CNR2: variants seen among roughly 807,000 people sequenced by gnomAD.
CNR2 encodes cannabinoid receptor 2.
For missense variants in CNR2, 379 were observed against 439.9 expected (o/e 0.86, Z 1.24); for synonymous variants, 172 against 182.2 (o/e 0.94, Z 0.45).
rs1390644212 is a variant in CNR2 at position 23,874,736 on chromosome 1, G to A, written c.882C>T (p.Val294=). The A allele has an allele frequency of 6.2e-7, 1 of 1,614,190 alleles. No homozygotes were observed. Among genetic ancestry groups the A allele is most frequent in the Non-Finnish European group, 8.5e-7 (1 of 1,180,032 alleles). The change falls in exon 2 of 2, where the codon GTC becomes GTT. Residue 294 remains valine, a synonymous_variant. Coordinates refer to ENST00000374472, the MANE Select transcript of CNR2 (RefSeq NM_001841.3). ...TCCGTAGAGCATAGATGACAGGGTTGACCATGGAGTTGATGAGGCACAGCA... is the reference window on the plus strand; with the variant it reads ...TCCGTAGAGCATAGATGACAGGGTTAACCATGGAGTTGATGAGGCACAGCA... ...CSMLCLINSM[V]NPVIYALRSG...
intron 1 of CNR2, chr1:23,901,853 C>A: frequency 6.2e-7 from 1 of 1,609,430 alleles, no homozygotes; most frequent in Non-Finnish European, 8.5e-7. Flanking sequence ...AAACTGGATG[C>A]TGTCGCAGCG....
At position 23,875,575 on chromosome 1, in the gene CNR2, C is replaced by A. The variant is rs142134658; in HGVS notation, c.43G>T (p.Asp15Tyr). The stretch of plus-strand genomic sequence containing the variant: ...TTCATAGGGTTGGAATCCAAGCCAT[C>A]CTTGGAGCCATTGGCTATCTCTGTC... Reference protein sequence around the residue: ...WVTEIANGSKDGLDSNPMKDY... With the variant: ...WVTEIANGSKYGLDSNPMKDY... Residue 15 changes from aspartate to tyrosine, a missense_variant, in exon 2 of 2, where the codon GAT becomes TAT. Physicochemically the swap from Asp to Tyr is radical, Grantham distance 160. Transcript: ENST00000374472. 5.1e-5 allele frequency: 83 copies of A among 1,612,034 alleles called. No homozygotes were observed. Among genetic ancestry groups the A allele is most frequent in the Middle Eastern group, 1.7e-4 (1 of 6,056 alleles).
intron 1 of CNR2, among the ~76,000 whole-genome samples, chr1:23,890,003 G>A (rs956046329): frequency 2.0e-4 from 30 of 152,016 alleles, no homozygotes; most frequent in African/African-American, 7.0e-4. Flanking sequence ...AGGCATGGGG[G>A]CTCTGCCTGT....
At chr1:23,909,908 C>T (rs192650050) in intron 1 of CNR2, among the ~76,000 whole-genome samples, 1 of 151,970 alleles carries the variant, frequency 6.6e-6, no homozygotes, top group East Asian at 1.9e-4. Context: ...TTGACCTGGA[C>T]TTGAGTCTCA....
Position 23,907,634 on chromosome 1 carries a change from G to A in CNR2, c.-46+5612C>T, listed in dbSNP as rs543114271. 3 of 152,026 alleles carry A rather than the reference G, an allele frequency of 2.0e-5. No homozygotes were observed. The Middle Eastern group carries it at 0.01, about 517-fold the overall frequency. The allele number at this position is 152,026 out of a possible 1,614,324, so 9.4% of individuals were successfully genotyped here. A position where few individuals can be genotyped will look rare whatever the true frequency, so the allele number is the denominator to read the frequency against. ...GACTCCCAAGTAGCTGGGATTACAG[G>A]CGTGTGCCACCACACCTGGCTAATT... On this transcript the variant is annotated intron_variant, in intron 1 of 1. Transcript: ENST00000374472.
intron 1 of CNR2, among the ~76,000 whole-genome samples, chr1:23,891,554 G>C (rs1640192189): frequency 6.7e-6 from 1 of 150,288 alleles, no homozygotes; most frequent in Non-Finnish European, 1.5e-5. Context: ...GGGAGGCAGA[G>C]GTTGCAGTGA....
At chr1:23,901,456 G>A in intron 1 of CNR2, 1 of 1,533,142 alleles carries the variant, frequency 6.5e-7, no homozygotes, top group Admixed American at 2.0e-5. Flanking sequence ...ACCTGCTGCA[G>A]CCTCCCCGGG....
chr1:23,875,677 G>A lies in CNR2; in HGVS notation c.-45-15C>T. On this transcript the variant is annotated splice_polypyrimidine_tract_variant and intron_variant, in intron 1 of 1. Transcript: ENST00000374472. ...AGAAGGCTTTGCTGCAGTACAATGA[G>A]AAGAAGAAAATAATCTTTTTCAGTA... The A allele has an allele frequency of 2.6e-6, 4 of 1,514,626 alleles. No homozygotes were observed. The highest frequency in any genetic ancestry group is 1.8e-6 in the Non-Finnish European group (2 of 1,131,792). The allele number at this position is 1,514,626 out of a possible 1,614,324, so 93.8% of individuals were successfully genotyped here. A position where few individuals can be genotyped will look rare whatever the true frequency, so the allele number is the denominator to read the frequency against.
intron 1 of CNR2, among the ~76,000 whole-genome samples, chr1:23,908,482 A>G (rs1381927800): frequency 6.6e-6 from 1 of 152,154 alleles, no homozygotes; most frequent in Admixed American, 6.6e-5. Context: ...TAACTATTAC[A>G]ATAATTATTC....
At chr1:23,901,518 T>C in intron 1 of CNR2, 5 of 1,599,898 alleles carry the variant, frequency 3.1e-6, no homozygotes, top group Admixed American at 3.4e-5. Flanking sequence ...TGGACCCCAG[T>C]CCCGTTGGTG....
At chr1:23,897,125 T>C in intron 1 of CNR2, among the ~76,000 whole-genome samples, 1 of 152,148 alleles carries the variant, frequency 6.6e-6, no homozygotes, top group East Asian at 1.9e-4. Context: ...TCCACCCGCC[T>C]CAGCCTCCCA....
chr1:23,905,859 A>G (rs1034843206), intron 1 of CNR2, among the ~76,000 whole-genome samples: 1 of 152,184 alleles, frequency 6.6e-6, no homozygotes, highest in Admixed American at 6.6e-5. Flanking sequence ...TGGGACCATA[A>G]CAAAGAACAC....
chr1:23,883,318 G>A (rs984702977), intron 1 of CNR2, among the ~76,000 whole-genome samples: 3 of 152,204 alleles, frequency 2.0e-5, no homozygotes, highest in African/African-American at 7.2e-5. Flanking sequence ...TGAAGTTGAC[G>A]ATACATCAAT....
chr1:23,904,398 A>G (rs561175629), intron 1 of CNR2, among the ~76,000 whole-genome samples: 1 of 151,416 alleles, frequency 6.6e-6, no homozygotes, highest in South Asian at 2.1e-4. Context: ...CTGGTCTCGA[A>G]CTCCTGACCT....
chr1:23,902,435 G>A lies in CNR2; in HGVS notation c.-46+10811C>T, dbSNP rs1019283580. On this transcript the variant is annotated intron_variant, in intron 1 of 1. Coordinates refer to ENST00000374472, the MANE Select transcript of CNR2 (RefSeq NM_001841.3). ...CGCAGGCTTTTGCCAATGCTGGGAC[G>A]ATGTACTTCTTAGCAGCCTACAGAG... 15 of 1,589,808 alleles carry A rather than the reference G, an allele frequency of 9.4e-6. No individual in the cohort carries two copies. The African/African-American group carries it at 1.5e-4, about 16-fold the overall frequency.
intron 1 of CNR2, chr1:23,902,872 G>T: frequency 8.6e-7 from 1 of 1,166,014 alleles, no homozygotes; most frequent in South Asian, 4.2e-5. Flanking sequence ...TGTGGGCTAG[G>T]ACCGCGGCCG....
intron 1 of CNR2, among the ~76,000 whole-genome samples, chr1:23,900,413 G>C (rs1470421599): frequency 6.6e-6 from 1 of 151,970 alleles, no homozygotes; most frequent in Non-Finnish European, 1.5e-5. Flanking sequence ...GCTCTGTCTA[G>C]GCGGCAGGCA....
At chr1:23,892,040 C>T (rs4285653) in intron 1 of CNR2, among the ~76,000 whole-genome samples, 124,131 of 152,034 alleles carry the variant, frequency 0.82, 50,790 homozygotes, top group Admixed American at 0.84. Context: ...ACACTTCTCA[C>T]CACTCCAAGT....
chr1:23,899,016 T>C (rs947208699), intron 1 of CNR2, among the ~76,000 whole-genome samples: 3 of 152,166 alleles, frequency 2.0e-5, no homozygotes, highest in Non-Finnish European at 4.4e-5. Flanking sequence ...TAATTGTATA[T>C]ATTTATGGAA....
Sources: allele counts gnomAD v4.1 joint callset (sites outside exome capture counted in the v4.1 genomes callset), GRCh38; gene constraint gnomAD v4.1.1; transcripts MANE v1.5; gene names NCBI Gene and HGNC (gene_info 2026-07-23, HGNC 2026-07-21).